BCL2L13: variants seen among roughly 807,000 people sequenced by gnomAD.
The protein encoded by BCL2L13 is BCL2 like 13, also known as bcl-2-like protein 13.
In BCL2L13, 13 loss-of-function variants were observed where a neutral mutation model predicts 25.8. The ratio of observed to expected loss-of-function variants is 0.50; its 90% CI spans 0.33 to 0.80. BCL2L13 has a LOEUF of 0.80. Among genes scored for constraint, BCL2L13 ranks in the 30% least tolerant of loss-of-function variants. The probability of loss-of-function intolerance (pLI) is 0.02; values close to 1 mark genes in which losing one functional copy is unlikely to be tolerated. For synonymous variants in BCL2L13, 244 were observed against 230.3 expected (o/e 1.06, Z -0.54); for missense variants, 504 against 574.9 (o/e 0.88, Z 1.26).
In BCL2L13 at chr22:17,728,097, G is replaced by GAGA; in HGVS notation, c.*563_*564insAGA. Reference sequence around the variant, plus strand: ...CTTAGAATTTCATCTTTCTCGATGAGCAGGCTCTGCACCCACTCTTTTTTT... The same window carrying GAGA: ...CTTAGAATTTCATCTTTCTCGATGAGAGACAGGCTCTGCACCCACTCTTTTTTT... On this transcript the variant is annotated 3_prime_UTR_variant, in exon 7 of 7. Transcript: ENST00000317582. The GAGA allele has an allele frequency of 1.3e-5, 2 of 155,394 alleles. No individual in the cohort carries two copies. Among genetic ancestry groups the GAGA allele is most frequent in the Admixed American group, 6.1e-5 (1 of 16,514 alleles). 9.6% of individuals were successfully genotyped at this position (155,394 alleles called of 1,614,324 possible).
intron 2 of BCL2L13, among the ~76,000 whole-genome samples, chr22:17,665,830 A>G (rs147507328): frequency 0.014 from 2,057 of 152,198 alleles, 27 homozygotes; most frequent in Non-Finnish European, 0.017. Flanking sequence ...TTGTTGAATA[A>G]TATGCCGTTG....
chr22:17,704,302 C>G (rs1022116423), intron 6 of BCL2L13, among the ~76,000 whole-genome samples: 6 of 151,522 alleles, frequency 4.0e-5, no homozygotes, highest in African/African-American at 1.5e-4. Context: ...GCAGGCTGGT[C>G]TCAAACTCCT....
chr22:17,681,785 G>A (rs1001340294), intron 2 of BCL2L13, among the ~76,000 whole-genome samples: 10 of 152,146 alleles, frequency 6.6e-5, no homozygotes, highest in Non-Finnish European at 8.8e-5. Flanking sequence ...TTGTGCAGGG[G>A]TTAGGGCCCA....
intron 6 of BCL2L13, among the ~76,000 whole-genome samples, chr22:17,722,020 G>A (rs2061150439): frequency 6.6e-6 from 1 of 152,068 alleles, no homozygotes; most frequent in Non-Finnish European, 1.5e-5. Context: ...AACTCATAAT[G>A]GTTTGGTGTA....
chr22:17,642,658 A>G (rs2058334937), intron 1 of BCL2L13, among the ~76,000 whole-genome samples: 2 of 150,754 alleles, frequency 1.3e-5, no homozygotes, highest in African/African-American at 4.9e-5. Context: ...CAATAGTGCC[A>G]TCTCAGCTCA....
intron 6 of BCL2L13, among the ~76,000 whole-genome samples, chr22:17,723,150 GTC>G (rs966766063): frequency 6.6e-6 from 1 of 152,012 alleles, no homozygotes; most frequent in South Asian, 2.1e-4. Flanking sequence ...CCCTCCCTGT[GTC>G]TCTCTCTATC....
At chr22:17,669,034 T>TC (rs1555882589) in intron 2 of BCL2L13, among the ~76,000 whole-genome samples, 42 of 141,416 alleles carry the variant, frequency 3.0e-4, no homozygotes, top group Non-Finnish European at 5.6e-4. Context: ...TTCTTTCTTT[T>TC]TTTTTTTTTT....
At chr22:17,674,268 T>C (rs541137768) in intron 2 of BCL2L13, among the ~76,000 whole-genome samples, 3 of 152,280 alleles carry the variant, frequency 2.0e-5, no homozygotes, top group African/African-American at 7.2e-5. Context: ...ACAGTTTATG[T>C]TGAGCAAAAA....
intron 5 of BCL2L13, among the ~76,000 whole-genome samples, chr22:17,698,419 A>G (rs972124881): frequency 1.1e-4 from 16 of 151,816 alleles, no homozygotes; most frequent in African/African-American, 3.6e-4. Context: ...CTGGCCTGAA[A>G]TAGATTTTAT....
chr22:17,661,991 C>CAAA (rs757785893), intron 2 of BCL2L13, among the ~76,000 whole-genome samples: 5 of 105,854 alleles, frequency 4.7e-5, no homozygotes, highest in African/African-American at 1.7e-4. Context: ...AACTCCATCT[C>CAAA]AAAAAAAAAA....
chr22:17,649,060 C>G (rs1015303198), intron 1 of BCL2L13, among the ~76,000 whole-genome samples: 4 of 151,890 alleles, frequency 2.6e-5, no homozygotes, highest in African/African-American at 4.8e-5. Context: ...CTCAGCCCCC[C>G]ACATTGTTGG....
chr22:17,645,909 A>T (rs1430288007), intron 1 of BCL2L13, among the ~76,000 whole-genome samples: 4 of 151,526 alleles, frequency 2.6e-5, no homozygotes, highest in African/African-American at 9.8e-5. Context: ...AATAACAATA[A>T]AAACAATACA....
At chr22:17,707,043 C>G (rs1356375657) in intron 6 of BCL2L13, among the ~76,000 whole-genome samples, 3 of 152,088 alleles carry the variant, frequency 2.0e-5, no homozygotes, top group Non-Finnish European at 4.4e-5. Context: ...TATTTAAAGA[C>G]TATCTCTTGG....
At chr22:17,651,658 C>T (rs1400229256) in intron 1 of BCL2L13, among the ~76,000 whole-genome samples, 2 of 151,204 alleles carry the variant, frequency 1.3e-5, no homozygotes, top group East Asian at 4.0e-4. Flanking sequence ...GCTGGGATTA[C>T]AGGCGTGAGC....
intron 4 of BCL2L13, chr22:17,695,838 A>T (rs2060249008): frequency 3.8e-6 from 1 of 263,440 alleles, no homozygotes; most frequent in African/African-American, 2.1e-5. Context: ...TTAATAATTC[A>T]GGTATTTCTT....
At chr22:17,632,114 A>G (rs1287999410) in intron 1 of BCL2L13, among the ~76,000 whole-genome samples, 1 of 152,094 alleles carries the variant, frequency 6.6e-6, no homozygotes, top group African/African-American at 2.4e-5. Context: ...ACAGATTGGT[A>G]TACATATTTG....
chr22:17,706,661 T>G, intron 6 of BCL2L13: 1 of 1,295,586 alleles, frequency 7.7e-7, no homozygotes, highest in Non-Finnish European at 1.0e-6. Context: ...TTTTGACTTT[T>G]ATTTGCCCTG....
chr22:17,648,673 C>T (rs1275644026), intron 1 of BCL2L13, among the ~76,000 whole-genome samples: 1 of 151,918 alleles, frequency 6.6e-6, no homozygotes, highest in Non-Finnish European at 1.5e-5. Flanking sequence ...TATAATCCTT[C>T]ACCAAATATA....
At chr22:17,679,288 T>TTTTTA (rs869174569) in intron 2 of BCL2L13, among the ~76,000 whole-genome samples, 1 of 71,200 alleles carries the variant, frequency 1.4e-5, no homozygotes, top group African/African-American at 5.0e-5. Flanking sequence ...TTTTTTTTTT[T>TTTTTA]GAGACAGTTT....
Sources: allele counts gnomAD v4.1 joint callset (sites outside exome capture counted in the v4.1 genomes callset), GRCh38; gene constraint gnomAD v4.1.1; transcripts MANE v1.5; gene names NCBI Gene and HGNC (gene_info 2026-07-23, HGNC 2026-07-21).